WNT9B: variants seen among roughly 807,000 people sequenced by gnomAD.
The protein encoded by WNT9B is protein Wnt-9b.
Under a neutral mutation model 30.2 loss-of-function variants are expected in WNT9B, and 12 were observed. That is an observed-to-expected ratio of 0.40 (90% CI 0.26 to 0.64). The LOEUF is 0.64. Among genes scored for constraint, WNT9B ranks in the 30% least tolerant of loss-of-function variants. The pLI, the probability that WNT9B is intolerant of heterozygous loss-of-function variation, is 0.42. For missense variants in WNT9B, 442 were observed against 485.2 expected, an observed-to-expected ratio of 0.91 and a Z score of 0.84; for synonymous variants, 218 against 216.9, an observed-to-expected ratio of 1.01 and a Z score of -0.05.
intron 1 of WNT9B, among the ~76,000 whole-genome samples, chr17:46,868,107 AG>A (rs1053645491): frequency 5.9e-5 from 9 of 152,326 alleles, no homozygotes; most frequent in African/African-American, 2.2e-4. Context: ...GGGCCAAAGC[AG>A]GTGCAGCCTG....
intron 1 of WNT9B, among the ~76,000 whole-genome samples, chr17:46,870,234 A>G (rs1232200215): frequency 2.6e-5 from 4 of 152,268 alleles, no homozygotes; most frequent in African/African-American, 9.6e-5. Flanking sequence ...GTCGCCACTC[A>G]CACCAGCCCT....
intron 2 of WNT9B, among the ~76,000 whole-genome samples, chr17:46,874,531 C>T (rs1028673282): frequency 6.6e-6 from 1 of 152,164 alleles, no homozygotes; most frequent in Non-Finnish European, 1.5e-5. Flanking sequence ...AATCTGGGAA[C>T]ATACTCCATA....
upstream of WNT9B, among the ~76,000 whole-genome samples, chr17:46,846,888 C>T (rs2084781720): frequency 6.6e-6 from 1 of 152,154 alleles, no homozygotes; most frequent in African/African-American, 2.4e-5. Context: ...CAAGATAGGA[C>T]AGGGGCCCTT....
rs764281760 is a variant in WNT9B at position 46,877,760 on chromosome 17, C to T, written c.*1042C>T. ...ACAATACTGAAGAACAGCTGGCTCA[C>T]GAGCTATGACTTGAAGTTACATTTC... On this transcript the variant is annotated 3_prime_UTR_variant, in exon 4 of 4. Transcript: ENST00000290015. Among the ~76,000 whole-genome samples the T allele has an allele frequency of 9.9e-5, 15 of 152,184 alleles. No individual in the cohort carries two copies. Among genetic ancestry groups the T allele is most frequent in the African/African-American group, 2.4e-4 (10 of 41,450 alleles).
intron 1 of WNT9B, among the ~76,000 whole-genome samples, chr17:46,852,627 G>A (rs544530337): frequency 3.3e-5 from 5 of 151,962 alleles, no homozygotes; most frequent in Admixed American, 6.6e-5. Flanking sequence ...GGATGGGGGC[G>A]GGTATCATGG....
At chr17:46,883,812 C>G (rs185710536), downstream of WNT9B, among the ~76,000 whole-genome samples, 49 of 152,310 alleles carry the variant, frequency 3.2e-4, no homozygotes, top group Middle Eastern at 3.4e-3. Context: ...TCTCCTCTCT[C>G]TCTTTCTCCC....
chr17:46,874,966 A>G, intron 2 of WNT9B, 135 bp from the exon 3 acceptor site: 2 of 1,394,198 alleles, frequency 1.4e-6, no homozygotes, highest in Non-Finnish European at 2.0e-6. Context: ...CTCAAGCCAC[A>G]TTCTCTTGTC....
At chr17:46,847,029 T>A (rs1015184823), upstream of WNT9B, among the ~76,000 whole-genome samples, 8 of 152,352 alleles carry the variant, frequency 5.3e-5, no homozygotes, top group African/African-American at 1.7e-4. Flanking sequence ...TGTATTTTTC[T>A]CCTCCCCACT....
At chr17:46,881,227 C>T (rs967999630), downstream of WNT9B, among the ~76,000 whole-genome samples, 1 of 152,224 alleles carries the variant, frequency 6.6e-6, no homozygotes, top group South Asian at 2.1e-4. Flanking sequence ...CTGGGCTCCC[C>T]AGGGCGGGAG....
Position 46,875,085 on chromosome 17 carries a change from TG to T in WNT9B, c.335-13del. On this transcript the variant is annotated splice_polypyrimidine_tract_variant and intron_variant, in intron 2 of 3. Coordinates refer to ENST00000290015, the MANE Select transcript of WNT9B (RefSeq NM_003396.3). ...CCCCTTTCCTCCCTCCCTATGCCCC[TG>T]GGTGCCCGATCCAGGCTTCAAAGAG... The T allele has an allele frequency of 1.2e-6, 2 of 1,613,526 alleles. No homozygotes were observed. The highest frequency in any genetic ancestry group is 1.7e-6 in the Non-Finnish European group (2 of 1,180,002).
intron 1 of WNT9B, among the ~76,000 whole-genome samples, chr17:46,841,967 C>A (rs560054799): frequency 4.9e-4 from 74 of 152,340 alleles, no homozygotes; most frequent in African/African-American, 1.7e-3. Context: ...CCGCGGCCGC[C>A]GCGAGCAGCG....
intron 1 of WNT9B, among the ~76,000 whole-genome samples, chr17:46,842,052 A>AC (rs1357226092): frequency 6.6e-6 from 1 of 151,956 alleles, no homozygotes; most frequent in African/African-American, 2.4e-5. Flanking sequence ...TGGCCTGGGG[A>AC]CCCGGGAGGC....
intron 1 of WNT9B, among the ~76,000 whole-genome samples, chr17:46,865,652 G>A (rs1286945479): frequency 6.6e-6 from 1 of 152,154 alleles, no homozygotes; most frequent in Non-Finnish European, 1.5e-5. Context: ...GTCTCACTCT[G>A]TCACCCAGGC....
intron 1 of WNT9B, among the ~76,000 whole-genome samples, chr17:46,837,601 A>G (rs2084648806): frequency 6.6e-6 from 1 of 152,102 alleles, no homozygotes. Context: ...GTCCTAATAA[A>G]CGCTAGAGGT....
At chr17:46,849,022 A>G (rs541187385), upstream of WNT9B, among the ~76,000 whole-genome samples, 1 of 152,304 alleles carries the variant, frequency 6.6e-6, no homozygotes, top group African/African-American at 2.4e-5. Context: ...GGGCAGTTCT[A>G]TGCAGCCTTA....
In WNT9B at chr17:46,877,001, A is replaced by G; in HGVS notation, c.*283A>G. ...AGTGAGAAAGACATGGAGGGAAATA[A>G]GGGAGACCAAGAGCACAGCAGGACT... On this transcript the variant is annotated 3_prime_UTR_variant, in exon 4 of 4. Transcript: ENST00000290015. 8.0e-7 allele frequency: 1 copy of G among 1,250,332 alleles called. No homozygotes were observed. The highest frequency in any genetic ancestry group is 1.0e-6 in the Non-Finnish European group (1 of 997,914). 77.5% of individuals were successfully genotyped at this position (1,250,332 alleles called of 1,614,324 possible). A position where few individuals can be genotyped will look rare whatever the true frequency, so the allele number is the denominator to read the frequency against.
At chr17:46,871,974 A>G (rs1442433143) in intron 1 of WNT9B, among the ~76,000 whole-genome samples, 3 of 152,172 alleles carry the variant, frequency 2.0e-5, no homozygotes, top group Admixed American at 6.5e-5. Flanking sequence ...GCAGCAGCAT[A>G]ATGTAAGGGA....
intron 1 of WNT9B, among the ~76,000 whole-genome samples, chr17:46,859,569 G>A (rs2084999824): frequency 6.6e-6 from 1 of 152,032 alleles, no homozygotes; most frequent in South Asian, 2.1e-4. Flanking sequence ...TCCCCAATAA[G>A]CCTTTTATAT....
At chr17:46,861,448 T>G (rs887945273) in intron 1 of WNT9B, among the ~76,000 whole-genome samples, 6 of 152,200 alleles carry the variant, frequency 3.9e-5, no homozygotes, top group African/African-American at 1.2e-4. Context: ...CATTCACTCC[T>G]TCATCTTCTG....
Sources: allele counts gnomAD v4.1 joint callset (sites outside exome capture counted in the v4.1 genomes callset), GRCh38; gene constraint gnomAD v4.1.1; transcripts MANE v1.5; gene names NCBI Gene and HGNC (gene_info 2026-07-23, HGNC 2026-07-21).